The following NAV1 variants were observed in gnomAD, a reference collection of about 807,000 sequenced individuals.
NAV1 encodes neuron navigator 1.
In NAV1, 18 loss-of-function variants were observed where a neutral mutation model predicts 175.2. The ratio of observed to expected loss-of-function variants is 0.10; its 90% CI spans 0.07 to 0.15. NAV1 has a LOEUF of 0.15. Ranked by LOEUF, NAV1 falls within the 10% of genes least tolerant of loss-of-function variation. The pLI is 1.00. For missense variants in NAV1, 1,731 were observed against 2,436.6 expected, an observed-to-expected ratio of 0.71 and a Z score of 6.10; for synonymous variants, 897 against 978.7, an observed-to-expected ratio of 0.92 and a Z score of 1.56.
rs1165316644 is a variant in NAV1, at chr1:201,812,105, G to A, written c.5024+131G>A. 1 of 888,366 alleles carries A rather than the reference G, an allele frequency of 1.1e-6. No homozygotes were observed. The highest frequency in any genetic ancestry group is 1.7e-5 in the African/African-American group (1 of 60,076). 55.0% of individuals were successfully genotyped at this position (888,366 alleles called of 1,614,324 possible). On this transcript the variant is annotated intron_variant, in intron 26 of 29. Transcript: ENST00000367296. This position sits in a 1 kb window ranked among gnomAD's most constrained non-coding sequence, Gnocchi z 4.6. The stretch of plus-strand genomic sequence containing the variant: ...GAGCTTTTTGGGCTGGAAATAGAAA[G>A]TAGATGTATTTGTCATGTCAGTTAC...
chr1:201,771,841 A>C (rs1675610144), intron 3 of NAV1, among the ~76,000 whole-genome samples: 1 of 152,240 alleles, frequency 6.6e-6, no homozygotes, highest in Admixed American at 6.5e-5. Flanking sequence ...GGTGAATTAC[A>C]TTTTTGTATA....
At chr1:201,550,787 A>G (rs75691396) in intron 1 of NAV1, among the ~76,000 whole-genome samples, 1,771 of 152,334 alleles carry the variant, frequency 0.012, 35 homozygotes, top group African/African-American at 0.04. Flanking sequence ...TCCTGGGAAC[A>G]TGTGGGGTGG....
upstream of NAV1, among the ~76,000 whole-genome samples, chr1:201,622,490 C>G (rs1315438604): frequency 1.3e-5 from 2 of 152,096 alleles, no homozygotes; most frequent in Non-Finnish European, 2.9e-5. Flanking sequence ...ACTCGGGGTA[C>G]TAGGAAAGGC....
At chr1:201,650,051 G>C (rs901940188) in intron 1 of NAV1, among the ~76,000 whole-genome samples, 1 of 152,230 alleles carries the variant, frequency 6.6e-6, no homozygotes, top group Non-Finnish European at 1.5e-5. Flanking sequence ...CCTCAGCCCC[G>C]GCTCTGGCCC....
chr1:201,574,576 C>A (rs1257862840), intron 1 of NAV1, among the ~76,000 whole-genome samples: 1 of 152,118 alleles, frequency 6.6e-6, no homozygotes, highest in East Asian at 1.9e-4. Flanking sequence ...GTTGGATATC[C>A]CAGTAGCTTA....
At chr1:201,756,813 T>C (rs1189628574) in intron 3 of NAV1, among the ~76,000 whole-genome samples, 3 of 2,410 alleles carry the variant, frequency 1.2e-3, no homozygotes, top group Non-Finnish European at 1.9e-3. Flanking sequence ...TCTTTCCTTC[T>C]TTCTTTCTTT....
In NAV1 at chr1:201,751,710, T is replaced by TTGAG. The variant is rs1167560120; in HGVS notation, c.1227-28711_1227-28710insTGAG. On this transcript the variant is annotated intron_variant, in intron 3 of 29. Transcript: ENST00000367296. The stretch of plus-strand genomic sequence containing the variant: ...TTTGGTAAAGCTGGCATTTACAGGT[T>TTGAG]AAGGTTTGAGAAGTTTAAATCCTTT... Among the ~76,000 whole-genome samples the TTGAG allele has an allele frequency of 7.2e-5, 11 of 152,350 alleles. No individual in the cohort carries two copies. The East Asian group carries it at 2.1e-3, about 29-fold the overall frequency.
At chr1:201,719,171 A>C (rs1482731381) in intron 3 of NAV1, among the ~76,000 whole-genome samples, 1 of 146,356 alleles carries the variant, frequency 6.8e-6, no homozygotes, top group African/African-American at 2.5e-5. Context: ...AAAAAAAAAA[A>C]CCAAAAAGGT....
chr1:201,567,367 G>A (rs1045007988), intron 1 of NAV1, among the ~76,000 whole-genome samples: 3 of 152,218 alleles, frequency 2.0e-5, no homozygotes, highest in African/African-American at 4.8e-5. Flanking sequence ...TCAAGTTACC[G>A]GGGTTGGAGC....
intron 17 of NAV1, among the ~76,000 whole-genome samples, chr1:201,806,461 A>G (rs761678804): frequency 5.3e-5 from 8 of 152,170 alleles, no homozygotes; most frequent in Non-Finnish European, 1.0e-4. Context: ...TGAACTACAC[A>G]TATTCTCACT....
At chr1:201,811,573 G>A (rs1678692000) in intron 24 of NAV1, 30 bp from the exon 29 acceptor site, 3 of 1,613,720 alleles carry the variant, frequency 1.9e-6, no homozygotes, top group South Asian at 2.2e-5. Flanking sequence ...TTATTCCCAA[G>A]TGCTGACCCA....
chr1:201,702,686 C>CTCTTTCTCTT (rs1571894533), intron 1 of NAV1, among the ~76,000 whole-genome samples: 2 of 127,570 alleles, frequency 1.6e-5, no homozygotes, highest in South Asian at 4.8e-4. Context: ...CTCTCTCTCT[C>CTCTTTCTCTT]TCTCTCTCTC....
At chr1:201,609,851 T>TAG (rs1041392438) in intron 2 of NAV1, among the ~76,000 whole-genome samples, 7 of 151,474 alleles carry the variant, frequency 4.6e-5, no homozygotes, top group African/African-American at 9.7e-5. Context: ...TGTATATATA[T>TAG]AGAGAGAGAG....
chr1:201,693,683 C>T (rs1245051708), intron 1 of NAV1, among the ~76,000 whole-genome samples: 2 of 151,990 alleles, frequency 1.3e-5, no homozygotes, highest in African/African-American at 4.8e-5. Flanking sequence ...GGGAGAAGTG[C>T]CCCAGCAGGG....
At chr1:201,821,696 T>C (rs1235103123) in exon 30 of NAV1, 1 of 152,216 alleles carries the variant, frequency 6.6e-6, no homozygotes, top group Non-Finnish European at 1.5e-5. Flanking sequence ...TTTGATTAGA[T>C]GTACAATACA....
intron 3 of NAV1, among the ~76,000 whole-genome samples, chr1:201,725,902 A>C (rs1406711734): frequency 6.6e-6 from 1 of 152,208 alleles, no homozygotes; most frequent in Non-Finnish European, 1.5e-5. Flanking sequence ...GGTTGCAGTG[A>C]GCTATGATCA....
intron 1 of NAV1, among the ~76,000 whole-genome samples, chr1:201,712,160 C>G (rs529439146): frequency 6.6e-6 from 1 of 152,318 alleles, no homozygotes; most frequent in Admixed American, 6.5e-5. Context: ...CTTTAGGAGA[C>G]TATATCTGAA....
At chr1:201,553,367 T>A (rs1382648492) in intron 1 of NAV1, among the ~76,000 whole-genome samples, 2 of 152,154 alleles carry the variant, frequency 1.3e-5, no homozygotes, top group Non-Finnish European at 2.9e-5. Context: ...CTTCCTAAAC[T>A]CAGCCAGAGG....
chr1:201,812,100 A>G lies in NAV1; in HGVS notation c.5024+126A>G. The G allele has an allele frequency of 1.1e-6, 1 of 919,348 alleles. No homozygotes were observed. Among genetic ancestry groups the G allele is most frequent in the East Asian group, 2.4e-5 (1 of 41,224 alleles). The allele number at this position is 919,348 out of a possible 1,614,324, so 56.9% of individuals were successfully genotyped here. ...ATCCAGAGCTTTTTGGGCTGGAAAT[A>G]GAAAGTAGATGTATTTGTCATGTCA... On this transcript the variant is annotated intron_variant, in intron 26 of 29. Transcript: ENST00000367296. This position sits in a 1 kb window ranked among gnomAD's most constrained non-coding sequence, Gnocchi z 4.6.
Sources: allele counts gnomAD v4.1 joint callset (sites outside exome capture counted in the v4.1 genomes callset), GRCh38; gene constraint gnomAD v4.1.1; non-coding constraint Gnocchi (gnomAD v3.1); transcripts MANE v1.5; gene names NCBI Gene and HGNC (gene_info 2026-07-23, HGNC 2026-07-21).